SPECC1L: variants seen among roughly 807,000 people sequenced by gnomAD.
SPECC1L encodes cytospin-A.
SPECC1L carries 40 observed loss-of-function variants against 116.8 expected under a neutral mutation model. That is an observed-to-expected ratio of 0.34 (90% CI 0.27 to 0.45). The LOEUF (loss-of-function observed/expected upper bound fraction) is 0.45, where lower values mean the gene tolerates loss of function less well. Among genes scored for constraint, SPECC1L ranks in the 20% least tolerant of loss-of-function variants. The pLI is 1.00. For synonymous variants in SPECC1L, 504 were observed against 500.6 expected (o/e 1.01, Z -0.09); for missense variants, 1,110 against 1,373.6 (o/e 0.81, Z 3.03).
intron 9 of SPECC1L, among the ~76,000 whole-genome samples, chr22:24,336,269 ATATC>A (rs1163170195): frequency 6.6e-6 from 1 of 151,772 alleles, no homozygotes; most frequent in Admixed American, 6.6e-5. Context: ...ATATATGTAT[ATATC>A]TATATATACC....
chr22:24,298,950 C>G (rs204725), intron 2 of SPECC1L, among the ~76,000 whole-genome samples: 2 of 152,282 alleles, frequency 1.3e-5, no homozygotes. Flanking sequence ...GAGTGATTCA[C>G]CTTTTTAGGT....
In SPECC1L at chr22:24,405,011, C is replaced by T. The variant is rs374192793; in HGVS notation, c.3088-6577C>T. On this transcript the variant is annotated intron_variant, in intron 14 of 16. Coordinates refer to ENST00000314328, the MANE Select transcript of SPECC1L (RefSeq NM_015330.6). ...TACTGTTAGTGGAAGAACACAACTC[C>T]AGGCCCTTCATTTTTCTGTTTGTAT... 2.6e-5 allele frequency among the ~76,000 whole-genome samples: 4 copies of T among 152,204 alleles called. No individual in the cohort carries two copies. In the East Asian group the frequency reaches 7.7e-4, roughly 29 times the overall value.
chr22:24,410,319 C>T (rs2042670698), intron 14 of SPECC1L, among the ~76,000 whole-genome samples: 1 of 152,236 alleles, frequency 6.6e-6, no homozygotes, highest in East Asian at 1.9e-4. Context: ...CAGGCGCATG[C>T]CTGGCAGCAA....
intron 10 of SPECC1L, among the ~76,000 whole-genome samples, chr22:24,343,840 CAA>C (rs573452505): frequency 1.5e-3 from 224 of 151,726 alleles, no homozygotes; most frequent in Middle Eastern, 0.01. Flanking sequence ...TTTAGGCAAA[CAA>C]AAGCTGAGGG....
chr22:24,411,835 T>G, intron 15 of SPECC1L, 131 bp downstream of exon 15: 1 of 780,898 alleles, frequency 1.3e-6, no homozygotes, highest in Non-Finnish European at 2.3e-6. Context: ...CATCTGGGTC[T>G]TCTGGGATCA....
chr22:24,291,721 C>T (rs2049160347), intron 2 of SPECC1L, among the ~76,000 whole-genome samples: 1 of 152,116 alleles, frequency 6.6e-6, no homozygotes. Flanking sequence ...TCATTGAATC[C>T]TCTCAACATC....
rs559897572 is a variant in SPECC1L, at chr22:24,415,194, GAC to G, written c.*575_*576del. ...CACACCTGACGGGGCTGTCCCGGCCGACACAATCCAGGCGTGTTCAGCCTGAG... is the reference window on the plus strand; with the variant it reads ...CACACCTGACGGGGCTGTCCCGGCCGACAATCCAGGCGTGTTCAGCCTGAG... On this transcript the variant is annotated 3_prime_UTR_variant, in exon 17 of 17. Transcript: ENST00000314328. 7.5e-5 allele frequency: 13 copies of G among 173,934 alleles called. No homozygotes were observed. Among genetic ancestry groups the G allele is most frequent in the South Asian group, 5.3e-4 (4 of 7,532 alleles). The allele number at this position is 173,934 out of a possible 1,614,324, so 10.8% of individuals were successfully genotyped here.
chr22:24,403,842 G>A (rs938746170), intron 14 of SPECC1L, among the ~76,000 whole-genome samples: 1 of 152,154 alleles, frequency 6.6e-6, no homozygotes, highest in Non-Finnish European at 1.5e-5. Context: ...AATTTCATTT[G>A]CGAGGCATAC....
chr22:24,389,516 G>A (rs1213922077), intron 14 of SPECC1L, among the ~76,000 whole-genome samples: 1 of 150,322 alleles, frequency 6.7e-6, no homozygotes, highest in Non-Finnish European at 1.5e-5. Context: ...GGGGGCTTTC[G>A]GGTTTTTTTT....
At chr22:24,293,282 G>A (rs773109653) in intron 2 of SPECC1L, among the ~76,000 whole-genome samples, 2 of 152,030 alleles carry the variant, frequency 1.3e-5, no homozygotes, top group African/African-American at 2.4e-5. Context: ...AGTTAAACCC[G>A]TCTCTACTAC....
At chr22:24,282,389 T>C (rs575937988) in intron 2 of SPECC1L, among the ~76,000 whole-genome samples, 7 of 152,328 alleles carry the variant, frequency 4.6e-5, no homozygotes, top group African/African-American at 1.7e-4. Flanking sequence ...TATAAGTTTC[T>C]CCCGAAGTTA....
chr22:24,363,308 A>G lies in SPECC1L; in HGVS notation c.2791A>G (p.Arg931Gly). The change falls in exon 12 of 17, where the codon AGA becomes GGA. Residue 931 changes from arginine to glycine, a missense_variant. Transcript: ENST00000314328. ...AGCCAGCCGGCCTGCTTCCCTGCCA[A>G]GAGTGCCTGCGATGGAAAGTGCCAA... ...SSASRPASLPRVPAMESAKTL... is the reference protein window; with the variant it reads ...SSASRPASLPGVPAMESAKTL... 2 of 1,614,176 alleles carry G rather than the reference A, an allele frequency of 1.2e-6. No individual in the cohort carries two copies. The highest frequency in any genetic ancestry group is 2.2e-5 in the East Asian group (1 of 44,876).
intron 4 of SPECC1L, among the ~76,000 whole-genome samples, chr22:24,316,546 T>C (rs1317274646): frequency 2.0e-5 from 3 of 150,564 alleles, no homozygotes; most frequent in Non-Finnish European, 4.4e-5. Flanking sequence ...CTTAATCCAT[T>C]TAACCCTGAG....
At chr22:24,346,317 TC>T (rs1323031346) in intron 10 of SPECC1L, among the ~76,000 whole-genome samples, 2 of 152,304 alleles carry the variant, frequency 1.3e-5, no homozygotes, top group South Asian at 2.1e-4. Flanking sequence ...GGTGGATTCT[TC>T]TGGCTGCCTG....
chr22:24,372,012 C>T (rs1050223282), intron 14 of SPECC1L, among the ~76,000 whole-genome samples: 27 of 152,232 alleles, frequency 1.8e-4, no homozygotes, highest in South Asian at 1.4e-3. Flanking sequence ...TGAGCCACCG[C>T]GCCCGGTCTC....
At chr22:24,364,982 A>G (rs1003265580) in intron 12 of SPECC1L, among the ~76,000 whole-genome samples, 2 of 152,090 alleles carry the variant, frequency 1.3e-5, no homozygotes, top group African/African-American at 4.8e-5. Context: ...TATTTCAACT[A>G]TGCCTTTTCA....
At chr22:24,385,436 G>C (rs143397037) in intron 14 of SPECC1L, among the ~76,000 whole-genome samples, 1 of 152,108 alleles carries the variant, frequency 6.6e-6, no homozygotes, top group Non-Finnish European at 1.5e-5. Context: ...AAAAACAATA[G>C]ACTCAACCAT....
At chr22:24,330,847 A>G (rs5996691) in intron 8 of SPECC1L, among the ~76,000 whole-genome samples, 165 of 152,266 alleles carry the variant, frequency 1.1e-3, no homozygotes, top group African/African-American at 3.5e-3. Context: ...CCTGAGCCTC[A>G]GTTTTCTCAT....
intron 14 of SPECC1L, among the ~76,000 whole-genome samples, chr22:24,387,883 T>C (rs1188156972): frequency 1.3e-5 from 2 of 152,174 alleles, no homozygotes; most frequent in African/African-American, 4.8e-5. Flanking sequence ...TCTATTTCCT[T>C]GCCTTTTCCA....
Sources: allele counts gnomAD v4.1 joint callset (sites outside exome capture counted in the v4.1 genomes callset), GRCh38; gene constraint gnomAD v4.1.1; transcripts MANE v1.5; gene names NCBI Gene and HGNC (gene_info 2026-07-23, HGNC 2026-07-21).